RBFOX2: variants seen among roughly 807,000 people sequenced by gnomAD.
RBFOX2 encodes RNA binding protein fox-1 homolog 2.
In RBFOX2, 10 loss-of-function variants were observed where a neutral mutation model predicts 49.1. The ratio of observed to expected loss-of-function variants is 0.20; its 90% CI spans 0.13 to 0.35. RBFOX2 has a LOEUF of 0.35. Ranked by LOEUF, RBFOX2 falls within the 10% of genes least tolerant of loss-of-function variation. The pLI, the probability that RBFOX2 is intolerant of heterozygous loss-of-function variation, is 1.00. For missense variants in RBFOX2, 323 were observed against 486.9 expected (o/e 0.66, Z 3.17); for synonymous variants, 183 against 187.4 (o/e 0.98, Z 0.19).
chr22:35,907,073 G>A (rs1453206546), intron 1 of RBFOX2, among the ~76,000 whole-genome samples: 1 of 152,188 alleles, frequency 6.6e-6, no homozygotes, highest in East Asian at 1.9e-4. Flanking sequence ...GCCGCAGAAT[G>A]GTCTTCTGTA....
chr22:35,984,855 T>C (rs956820817), intron 1 of RBFOX2, among the ~76,000 whole-genome samples: 1 of 152,216 alleles, frequency 6.6e-6, no homozygotes, highest in African/African-American at 2.4e-5. Flanking sequence ...CTTTCAAAGC[T>C]GAGTTCAAAT....
At chr22:35,853,656 CACGTGTGTGTGTGT>C (rs1395001240) in intron 1 of RBFOX2, among the ~76,000 whole-genome samples, 143 of 133,030 alleles carry the variant, frequency 1.1e-3, no homozygotes, top group African/African-American at 4.1e-3. Context: ...TATATATACA[CACGTGTGTGTGTGT>C]GTGTGTGTGT....
chr22:35,829,809 C>T (rs1293589215), intron 1 of RBFOX2, among the ~76,000 whole-genome samples: 1 of 152,090 alleles, frequency 6.6e-6, no homozygotes, highest in Non-Finnish European at 1.5e-5. Flanking sequence ...TGTCACCTTC[C>T]ACTTCTCTTT....
chr22:35,810,058 C>A, intron 1 of RBFOX2, 54 bp from the exon 3 acceptor site: 1 of 1,552,100 alleles, frequency 6.4e-7, no homozygotes, highest in East Asian at 2.2e-5. Flanking sequence ...TGTTACGTAA[C>A]TATTTTTAAA....
intron 1 of RBFOX2, among the ~76,000 whole-genome samples, chr22:35,923,720 C>A (rs1042841835): frequency 6.6e-6 from 1 of 151,682 alleles, no homozygotes; most frequent in Non-Finnish European, 1.5e-5. Context: ...TTCCCCCCCA[C>A]CCAAATAATA....
At chr22:35,861,503 C>T (rs1247812027) in intron 1 of RBFOX2, among the ~76,000 whole-genome samples, 7 of 152,022 alleles carry the variant, frequency 4.6e-5, no homozygotes, top group African/African-American at 1.7e-4. Context: ...AAATGAACAC[C>T]TGATTAAAAG....
chr22:35,881,174 G>T (rs898084942), intron 1 of RBFOX2, among the ~76,000 whole-genome samples: 1 of 152,196 alleles, frequency 6.6e-6, no homozygotes, highest in African/African-American at 2.4e-5. Flanking sequence ...TGAGGCAGGA[G>T]AATGGCGTGA....
rs1465985215 is a variant in RBFOX2, at chr22:35,971,730, C to G, written c.187-32833G>C. Among the ~76,000 whole-genome samples the G allele has an allele frequency of 3.9e-5, 6 of 151,994 alleles. No individual in the cohort carries two copies. In the South Asian group the frequency reaches 8.3e-4, roughly 21 times the overall value. Reference sequence around the variant, plus strand: ...AACATGAGACGGTTGCTCTTGAGCTCCAGCAGTAAGGGCTGTTTCTGATTA... The same window carrying G: ...AACATGAGACGGTTGCTCTTGAGCTGCAGCAGTAAGGGCTGTTTCTGATTA... On this transcript the variant is annotated intron_variant, in intron 1 of 13. Coordinates refer to the RBFOX2 transcript ENST00000438146.
intron 2 of RBFOX2, among the ~76,000 whole-genome samples, chr22:35,794,822 G>A (rs1948456402): frequency 6.6e-6 from 1 of 152,152 alleles, no homozygotes; most frequent in South Asian, 2.1e-4. Context: ...AGCTGTGAGA[G>A]CAGTAAGGGG....
chr22:35,863,749 C>T (rs2043358173), intron 1 of RBFOX2, among the ~76,000 whole-genome samples: 1 of 152,154 alleles, frequency 6.6e-6, no homozygotes, highest in African/African-American at 2.4e-5. Flanking sequence ...CCAGTGTAGC[C>T]AGCTGTCGTT....
intron 9 of RBFOX2, among the ~76,000 whole-genome samples, chr22:35,757,846 C>T (rs1937454418): frequency 6.6e-6 from 1 of 152,098 alleles, no homozygotes; most frequent in African/African-American, 2.4e-5. Context: ...AAATGGAAAG[C>T]ACTGAGACCA....
chr22:35,853,622 A>G (rs571673944), intron 1 of RBFOX2, among the ~76,000 whole-genome samples: 160 of 151,942 alleles, frequency 1.1e-3, no homozygotes, highest in Non-Finnish European at 1.6e-3. Flanking sequence ...ATATACACAT[A>G]CCATTATATG....
intron 2 of RBFOX2, among the ~76,000 whole-genome samples, chr22:35,784,319 C>T (rs570946867): frequency 6.6e-6 from 1 of 152,342 alleles, no homozygotes; most frequent in South Asian, 2.1e-4. Flanking sequence ...GGCGAAGTCA[C>T]ACCACTTCTG....
At chr22:35,949,526 G>A (rs1363874153) in intron 1 of RBFOX2, among the ~76,000 whole-genome samples, 2 of 152,186 alleles carry the variant, frequency 1.3e-5, no homozygotes, top group African/African-American at 4.8e-5. Flanking sequence ...CACCGGCAAA[G>A]CACAAGAGTT....
chr22:35,817,995 G>A (rs890759653), intron 1 of RBFOX2, among the ~76,000 whole-genome samples: 4 of 150,866 alleles, frequency 2.7e-5, no homozygotes, highest in Non-Finnish European at 4.4e-5. Flanking sequence ...CCCCTCTTCT[G>A]AATTACTCAG....
chr22:35,949,290 T>C (rs912743868), intron 1 of RBFOX2, among the ~76,000 whole-genome samples: 1 of 152,254 alleles, frequency 6.6e-6, no homozygotes, highest in Non-Finnish European at 1.5e-5. Flanking sequence ...CATCTGTCAA[T>C]GGACACTTGG....
At chr22:35,865,948 C>A (rs1020002043) in intron 1 of RBFOX2, among the ~76,000 whole-genome samples, 1 of 152,078 alleles carries the variant, frequency 6.6e-6, no homozygotes, top group African/African-American at 2.4e-5. Flanking sequence ...CAACAACATG[C>A]CAAATATTGG....
intron 1 of RBFOX2, among the ~76,000 whole-genome samples, chr22:35,930,826 T>A (rs2052312725): frequency 6.6e-6 from 1 of 152,008 alleles, no homozygotes; most frequent in Non-Finnish European, 1.5e-5. Flanking sequence ...CAAGACCTTG[T>A]CTCAAAAAAT....
At chr22:35,960,574 C>A (rs992688305) in intron 1 of RBFOX2, among the ~76,000 whole-genome samples, 2 of 152,138 alleles carry the variant, frequency 1.3e-5, no homozygotes, top group Non-Finnish European at 2.9e-5. Context: ...TACCATCATT[C>A]AAAACACGGC....
Sources: gnomAD v4.1 joint callset for allele counts (sites outside exome capture counted in the v4.1 genomes callset) on GRCh38, gnomAD v4.1.1 for gene constraint, MANE v1.5 for transcripts, NCBI Gene and HGNC (gene_info 2026-07-23, HGNC 2026-07-21) for gene names.